The following ESR1 variants were observed in gnomAD, a reference collection of about 807,000 sequenced individuals.
The protein encoded by ESR1 is estrogen receptor 1.
In ESR1, 12 loss-of-function variants were observed where a neutral mutation model predicts 52.7. That is an observed-to-expected ratio of 0.23 (90% CI 0.15 to 0.37). ESR1 has a LOEUF of 0.37. Ranked by LOEUF, ESR1 falls within the 10% of genes least tolerant of loss-of-function variation. The pLI, the probability that ESR1 is intolerant of heterozygous loss-of-function variation, is 1.00. For synonymous variants in ESR1, 305 were observed against 316.8 expected (o/e 0.96, Z 0.39); for missense variants, 584 against 779.7 (o/e 0.75, Z 2.99).
intron 3 of ESR1, among the ~76,000 whole-genome samples, chr6:151,910,254 T>A (rs1239134298): frequency 6.6e-6 from 1 of 151,996 alleles, no homozygotes; most frequent in Non-Finnish European, 1.5e-5. Flanking sequence ...TAAATTAAAT[T>A]TAATTTAAAT....
At chr6:151,718,912 T>G (rs1234864917) in intron 2 of ESR1, among the ~76,000 whole-genome samples, 1 of 152,168 alleles carries the variant, frequency 6.6e-6, no homozygotes, top group Non-Finnish European at 1.5e-5. Flanking sequence ...TCTTTTCTTC[T>G]TCCGCATATT....
chr6:152,110,839 A>G (rs2051123902), intron 6 of ESR1, among the ~76,000 whole-genome samples: 1 of 152,122 alleles, frequency 6.6e-6, no homozygotes, highest in African/African-American at 2.4e-5. Flanking sequence ...AATCCTGGAG[A>G]AATGTGTCCC....
intron 2 of ESR1, among the ~76,000 whole-genome samples, chr6:151,725,614 C>A (rs1043856021): frequency 6.6e-6 from 1 of 152,162 alleles, no homozygotes; most frequent in East Asian, 1.9e-4. Flanking sequence ...GGGACTATTG[C>A]ATCTACTTGG....
chr6:151,895,646 T>C (rs1795380944), intron 3 of ESR1, among the ~76,000 whole-genome samples: 1 of 152,228 alleles, frequency 6.6e-6, no homozygotes, highest in African/African-American at 2.4e-5. Flanking sequence ...ATTATTGCGA[T>C]GGTCATGCGA....
intron 2 of ESR1, among the ~76,000 whole-genome samples, chr6:151,774,811 C>T (rs1036088261): frequency 6.6e-6 from 1 of 152,104 alleles, no homozygotes; most frequent in Admixed American, 6.5e-5. Flanking sequence ...TTGAAGACAC[C>T]ATTAAATAAA....
chr6:151,888,179 G>A (rs12176079), intron 3 of ESR1, among the ~76,000 whole-genome samples: 2,531 of 152,090 alleles, frequency 0.017, 69 homozygotes, highest in East Asian at 0.095. Context: ...CAAATTTTTG[G>A]ATTGTTTTTC....
chr6:152,015,863 C>A (rs183091036), intron 5 of ESR1, among the ~76,000 whole-genome samples: 3,068 of 152,174 alleles, frequency 0.02, 45 homozygotes, highest in Admixed American at 0.029. Context: ...TGGGGAAAAG[C>A]AAAGACTCTT....
rs376488990 is a variant in ESR1 at position 151,998,828 on chromosome 6, G to A, written c.1097-12828G>A. 1.7e-4 allele frequency among the ~76,000 whole-genome samples: 26 copies of A among 152,156 alleles called. No homozygotes were observed. In the East Asian group the frequency reaches 4.5e-3, roughly 26 times the overall value. On this transcript the variant is annotated intron_variant, in intron 4 of 7. Coordinates refer to ENST00000206249, the MANE Select transcript of ESR1 (RefSeq NM_000125.4). ...TCCCCTCCATTTGCTGTCCAAAACA[G>A]CATCCTTTCATGTAGCTACATGCCA...
chr6:151,855,384 C>T lies in ESR1; in HGVS notation c.643+12597C>T, dbSNP rs553843431. ...TATTCTACAAGTGCCTGCAGGCCAG[C>T]CCCATTTTTGCTCTCTTCACTTCAT... On this transcript the variant is annotated intron_variant, in intron 2 of 7. Transcript: ENST00000206249. 8.5e-5 allele frequency among the ~76,000 whole-genome samples: 13 copies of T among 152,228 alleles called. No homozygotes were observed. The South Asian group carries it at 2.5e-3, about 29-fold the overall frequency.
chr6:151,716,093 C>T (rs546421618), intron 2 of ESR1, among the ~76,000 whole-genome samples: 3 of 152,280 alleles, frequency 2.0e-5, no homozygotes, highest in South Asian at 4.1e-4. Context: ...CAGTCAGGCC[C>T]CTCTGCTGCA....
At chr6:151,873,987 G>A (rs187316087) in intron 2 of ESR1, among the ~76,000 whole-genome samples, 34 of 152,224 alleles carry the variant, frequency 2.2e-4, no homozygotes, top group Non-Finnish European at 1.5e-4. Context: ...ATAGGACTTC[G>A]AAAATAAAAT....
intron 5 of ESR1, among the ~76,000 whole-genome samples, chr6:152,060,315 C>G (rs987051618): frequency 2.6e-5 from 4 of 152,140 alleles, no homozygotes; most frequent in African/African-American, 9.7e-5. Context: ...CTCCTGACCT[C>G]CAACACACTG....
chr6:151,710,153 T>C (rs917635281), intron 2 of ESR1, among the ~76,000 whole-genome samples: 23 of 152,148 alleles, frequency 1.5e-4, no homozygotes, highest in African/African-American at 5.3e-4. Context: ...TATTTATTTG[T>C]TGCCAGGCCT....
chr6:151,943,037 C>G (rs2128520577), intron 3 of ESR1, among the ~76,000 whole-genome samples: 2 of 152,218 alleles, frequency 1.3e-5, no homozygotes, highest in Middle Eastern at 6.8e-3. Flanking sequence ...TTGGATCCCC[C>G]CTCTTCACCC....
chr6:152,000,478 A>T (rs1367317967), intron 4 of ESR1, among the ~76,000 whole-genome samples: 13 of 152,060 alleles, frequency 8.5e-5, no homozygotes, highest in Non-Finnish European at 1.9e-4. Context: ...TATAAATATG[A>T]TATCTAATTA....
At position 151,921,136 on chromosome 6, in the gene ESR1, C is replaced by T. The variant is rs369371218; in HGVS notation, c.761-23037C>T. Among the ~76,000 whole-genome samples the T allele has an allele frequency of 5.9e-5, 9 of 152,180 alleles. No homozygotes were observed. The South Asian group carries it at 1.9e-3, about 32-fold the overall frequency. On this transcript the variant is annotated intron_variant, in intron 3 of 7. Coordinates refer to ENST00000206249, the MANE Select transcript of ESR1 (RefSeq NM_000125.4). ...TGTGTGTTGTTCCCCTCCCTGTGTC[C>T]ATGTGTTCTCATTGTTCAGCTCCCA...
chr6:151,805,650 C>G (rs537224022), upstream of ESR1: 532 of 152,700 alleles, frequency 3.5e-3, 3 homozygotes, highest in Non-Finnish European at 5.9e-3. Flanking sequence ...GGCTGCTTCC[C>G]GAATCCCTGC....
intron 5 of ESR1, among the ~76,000 whole-genome samples, chr6:152,046,580 A>G (rs541030883): frequency 6.6e-6 from 1 of 152,376 alleles, no homozygotes; most frequent in Non-Finnish European, 1.5e-5. Context: ...TAGAAACTAT[A>G]TGGTGAACTC....
rs1009747624 is a variant in ESR1 at position 152,068,294 on chromosome 6, T to C, written c.1369+7170T>C. 1.1e-4 allele frequency among the ~76,000 whole-genome samples: 16 copies of C among 152,258 alleles called. 1 individual carries two copies. Among genetic ancestry groups the C allele is most frequent in the Admixed American group, 1.0e-3 (16 of 15,292 alleles). On this transcript the variant is annotated intron_variant, in intron 6 of 7. Coordinates refer to ENST00000206249, the MANE Select transcript of ESR1 (RefSeq NM_000125.4). The stretch of plus-strand genomic sequence containing the variant: ...TTGCTTCTGTATTTAGTTGAGATAC[T>C]TAAAATATAACTGCTAGATTCTAAG...
Sources: gnomAD v4.1 joint callset for allele counts (sites outside exome capture counted in the v4.1 genomes callset) on GRCh38, gnomAD v4.1.1 for gene constraint, MANE v1.5 for transcripts, NCBI Gene and HGNC (gene_info 2026-07-23, HGNC 2026-07-21) for gene names.